The following RAB3IP variants were observed in gnomAD, a reference collection of about 807,000 sequenced individuals.
RAB3IP encodes the protein RAB3A interacting protein.
A neutral mutation model predicts 59.1 loss-of-function variants in RAB3IP; 36 were observed. The ratio of observed to expected loss-of-function variants is 0.61; its 90% CI spans 0.47 to 0.80. RAB3IP has a LOEUF of 0.80. RAB3IP is among the 30% of genes least tolerant of loss of function. The pLI is 0.00. For synonymous variants in RAB3IP, 207 were observed against 191.2 expected, an observed-to-expected ratio of 1.08 and a Z score of -0.68; for missense variants, 511 against 536.0, an observed-to-expected ratio of 0.95 and a Z score of 0.46.
intron 4 of RAB3IP, among the ~76,000 whole-genome samples, chr12:69,791,699 T>C (rs1876645309): frequency 6.6e-6 from 1 of 152,160 alleles, no homozygotes; most frequent in Non-Finnish European, 1.5e-5. Flanking sequence ...AAAAGGAACT[T>C]GTCCACTATT....
At chr12:69,806,633 A>G (rs1379440336) in intron 8 of RAB3IP, among the ~76,000 whole-genome samples, 1 of 120,414 alleles carries the variant, frequency 8.3e-6, no homozygotes, top group Non-Finnish European at 1.6e-5. Flanking sequence ...TGGAGGGGGT[A>G]TGTGGCAGTG....
At chr12:69,794,984 A>G (rs997147850) in intron 5 of RAB3IP, among the ~76,000 whole-genome samples, 157 bp from the exon 6 acceptor site, 57 of 152,238 alleles carry the variant, frequency 3.7e-4, no homozygotes, top group Non-Finnish European at 4.6e-4. Flanking sequence ...TGGAAACATC[A>G]AAAAACTTGA....
In RAB3IP at chr12:69,756,658, C is replaced by G. The variant is rs1264973631; in HGVS notation, c.505C>G (p.Gln169Glu). 6.2e-7 allele frequency: 1 copy of G among 1,612,388 alleles called. No homozygotes were observed. Among genetic ancestry groups the G allele is most frequent in the South Asian group, 1.1e-5 (1 of 90,774 alleles). ...ERLKEELAKA[Q>E]RELKLKDEEC... ...ATTAAAAGAAGAACTCGCAAAAGCT[C>G]AGAGGGTAAGAAAGAAGATATTTTA... The change falls in exon 3 of 11, where the codon CAG becomes GAG. Residue 169 changes from glutamine (Q) to glutamate (E), a missense_variant. Transcript: ENST00000247833.
intron 8 of RAB3IP, among the ~76,000 whole-genome samples, chr12:69,805,775 T>A (rs1295506441): frequency 1.3e-5 from 2 of 152,064 alleles, no homozygotes; most frequent in Non-Finnish European, 2.9e-5. Flanking sequence ...TTGTCTTTGG[T>A]TCTGTTTATA....
At chr12:69,794,321 T>TC in intron 4 of RAB3IP, 116 bp from the exon 5 acceptor site, 2 of 753,494 alleles carry the variant, frequency 2.7e-6, no homozygotes, top group Non-Finnish European at 4.5e-6. Flanking sequence ...ATTGAATACT[T>TC]AACTTCAGGC....
chr12:69,796,851 CT>C (rs776397841), intron 6 of RAB3IP, among the ~76,000 whole-genome samples: 4 of 152,180 alleles, frequency 2.6e-5, no homozygotes, highest in Non-Finnish European at 4.4e-5. Flanking sequence ...ACTTTCCCCC[CT>C]ATTTACACTA....
intron 3 of RAB3IP, among the ~76,000 whole-genome samples, chr12:69,764,536 G>A (rs1225569454): frequency 6.6e-6 from 1 of 152,110 alleles, no homozygotes; most frequent in African/African-American, 2.4e-5. Context: ...ATGCTGTTTT[G>A]ATTACTGTAA....
At chr12:69,739,645 C>G in intron 1 of RAB3IP, 1 of 610,942 alleles carries the variant, frequency 1.6e-6, no homozygotes, top group African/African-American at 1.9e-5. Flanking sequence ...GGCAGGCGCC[C>G]GGAGTCGCGC....
At chr12:69,802,042 G>T (rs371179081) in intron 8 of RAB3IP, among the ~76,000 whole-genome samples, 9 of 150,166 alleles carry the variant, frequency 6.0e-5, no homozygotes, top group East Asian at 4.0e-4. Flanking sequence ...AGAGATCCAG[G>T]TAAACTAGAG....
Position 69,753,389 on chromosome 12 carries a change from T to C in RAB3IP, c.-25-1995T>C, listed in dbSNP as rs959351189. ...TTTATTTTTATTTTTTGAGTTGGAA[T>C]CTCAATCTGTCGCCCAGGCTGAAGT... On this transcript the variant is annotated intron_variant, in intron 1 of 10. Transcript: ENST00000247833. Among the ~76,000 whole-genome samples the C allele has an allele frequency of 9.9e-5, 15 of 152,284 alleles. 1 individual carries two copies. In the East Asian group the frequency reaches 2.7e-3, roughly 27 times the overall value.
intron 7 of RAB3IP, 104 bp downstream of exon 7, chr12:69,800,441 T>C (rs1431047557): frequency 8.6e-6 from 6 of 695,894 alleles, no homozygotes; most frequent in South Asian, 6.1e-5. Context: ...AAATAAGTTA[T>C]TATAAAATGT....
intron 4 of RAB3IP, among the ~76,000 whole-genome samples, chr12:69,793,116 T>C (rs561954971): frequency 6.6e-6 from 1 of 152,358 alleles, no homozygotes; most frequent in Non-Finnish European, 1.5e-5. Flanking sequence ...ACATTTGTTA[T>C]TTTTAAAAGG....
chr12:69,803,910 T>A (rs1467075828), intron 8 of RAB3IP, among the ~76,000 whole-genome samples: 1 of 152,232 alleles, frequency 6.6e-6, no homozygotes, highest in East Asian at 1.9e-4. Context: ...GTTGGACATT[T>A]GGGTTGGTTC....
intron 3 of RAB3IP, among the ~76,000 whole-genome samples, chr12:69,768,595 G>A (rs141238420): frequency 2.0e-5 from 3 of 152,260 alleles, no homozygotes; most frequent in East Asian, 3.9e-4. Context: ...ACTGCACCGC[G>A]ATCTCAGGAA....
chr12:69,754,759 A>G (rs1362394977), intron 1 of RAB3IP, among the ~76,000 whole-genome samples: 1 of 152,228 alleles, frequency 6.6e-6, no homozygotes. Flanking sequence ...TCTCTGTTAA[A>G]AAAATTGTTT....
Position 69,765,005 on chromosome 12 carries a change from T to C in RAB3IP, c.510+8342T>C, listed in dbSNP as rs892705619. 1.1e-4 allele frequency among the ~76,000 whole-genome samples: 16 copies of C among 152,346 alleles called. 1 individual carries two copies. In the Middle Eastern group the frequency reaches 0.01, roughly 97 times the overall value. Reference sequence around the variant, plus strand: ...ACATTGACTTTGTATCTGGAAACTTTACTGGAGTCATTTATCAGTTCCAGG... The same window carrying C: ...ACATTGACTTTGTATCTGGAAACTTCACTGGAGTCATTTATCAGTTCCAGG... On this transcript the variant is annotated intron_variant, in intron 3 of 10. Coordinates refer to ENST00000247833, the MANE Select transcript of RAB3IP (RefSeq NM_022456.5).
At chr12:69,806,944 T>C (rs1178866101) in intron 8 of RAB3IP, among the ~76,000 whole-genome samples, 1 of 151,614 alleles carries the variant, frequency 6.6e-6, no homozygotes, top group Non-Finnish European at 1.5e-5. Flanking sequence ...TTTTTCTTAG[T>C]CCAGAACAAA....
intron 6 of RAB3IP, among the ~76,000 whole-genome samples, chr12:69,797,617 C>T (rs994588247): frequency 6.6e-6 from 1 of 151,356 alleles, no homozygotes; most frequent in Admixed American, 6.6e-5. Context: ...TGGTGCCCTG[C>T]ACCCACTAAC....
At position 69,821,646 on chromosome 12, in the gene RAB3IP, T is replaced by TG. The variant is rs1237748033; in HGVS notation, c.*6201dup. The TG allele has an allele frequency of 6.6e-6, 1 of 152,258 alleles. No individual in the cohort carries two copies. The highest frequency in any genetic ancestry group is 1.5e-5 in the Non-Finnish European group (1 of 68,046). The allele number at this position is 152,258 out of a possible 1,614,324, so 9.4% of individuals were successfully genotyped here. Reference sequence around the variant, plus strand: ...TTTGTCCATCTTGTTTTTGAACAATTGCCAGCATTTAAAAATGAGGAAATC... The same window carrying TG: ...TTTGTCCATCTTGTTTTTGAACAATTGGCCAGCATTTAAAAATGAGGAAATC... On this transcript the variant is annotated 3_prime_UTR_variant, in exon 11 of 11. Coordinates refer to ENST00000247833, the MANE Select transcript of RAB3IP (RefSeq NM_022456.5).
Sources: allele counts gnomAD v4.1 joint callset (sites outside exome capture counted in the v4.1 genomes callset), GRCh38; gene constraint gnomAD v4.1.1; transcripts MANE v1.5; gene names NCBI Gene and HGNC (gene_info 2026-07-23, HGNC 2026-07-21).